BST1: variants seen among roughly 807,000 people sequenced by gnomAD.
BST1 encodes bone marrow stromal cell antigen 1.
In BST1, 49 loss-of-function variants were observed where a neutral mutation model predicts 40.6. The ratio of observed to expected loss-of-function variants is 1.21; its 90% CI spans 0.96 to 1.53. The LOEUF (loss-of-function observed/expected upper bound fraction) is 1.53. Among genes scored for constraint, BST1 ranks in the 40% most tolerant of loss-of-function variants. BST1 has a pLI of 0.00. For synonymous variants in BST1, 157 were observed against 159.3 expected (o/e 0.99, Z 0.11); for missense variants, 423 against 395.9 (o/e 1.07, Z -0.58).
At chr4:15,756,381 G>A in the BST1 span, among the ~76,000 whole-genome samples, 3 of 152,166 alleles carry the variant, frequency 2.0e-5, no homozygotes, top group South Asian at 2.1e-4. Flanking sequence ...ATTTTCAATC[G>A]TGGTTTGTGG....
chr4:15,720,720 G>T (rs1720763441), intron 7 of BST1, among the ~76,000 whole-genome samples: 1 of 152,084 alleles, frequency 6.6e-6, no homozygotes, highest in Non-Finnish European at 1.5e-5. Flanking sequence ...GAGCCCAGGA[G>T]TTCAAGGGAA....
In BST1 at chr4:15,731,904, A is replaced by G; in HGVS notation, c.*59A>G. The G allele has an allele frequency of 1.3e-6, 2 of 1,566,346 alleles. No individual in the cohort carries two copies. The highest frequency in any genetic ancestry group is 1.7e-6 in the Non-Finnish European group (2 of 1,155,250). On this transcript the variant is annotated 3_prime_UTR_variant, in exon 9 of 9. Coordinates refer to ENST00000265016, the MANE Select transcript of BST1 (RefSeq NM_004334.3). Reference sequence around the variant, plus strand: ...CCTGCAGCCTCCCCTTGCAGTCATCATTCGTGTTCTGTGTATACCAAATGA... The same window carrying G: ...CCTGCAGCCTCCCCTTGCAGTCATCGTTCGTGTTCTGTGTATACCAAATGA...
At chr4:15,757,332 T>A in the BST1 span, among the ~76,000 whole-genome samples, 10 of 152,172 alleles carry the variant, frequency 6.6e-5, no homozygotes, top group African/African-American at 2.2e-4. Context: ...TTCACAGCCA[T>A]GCCAAAGAAC....
chr4:15,773,524 G>A, the BST1 span, among the ~76,000 whole-genome samples: 1 of 152,164 alleles, frequency 6.6e-6, no homozygotes. Flanking sequence ...TTCAGTTTCT[G>A]TGGGACTTAG....
At chr4:15,767,469 A>T in the BST1 span, among the ~76,000 whole-genome samples, 1 of 151,934 alleles carries the variant, frequency 6.6e-6, no homozygotes, top group Non-Finnish European at 1.5e-5. Context: ...ACACCCAGCT[A>T]ATTTTTTGTA....
At chr4:15,731,115 G>A (rs1192007918) in intron 8 of BST1, 18 of 423,312 alleles carry the variant, frequency 4.3e-5, no homozygotes, top group East Asian at 2.8e-4. Context: ...TCCTTTTCAC[G>A]TGGCCAACAG....
In BST1 at chr4:15,703,118, C is replaced by A. The variant is rs1424526030; in HGVS notation, c.-27C>A. The A allele has an allele frequency of 6.4e-7, 1 of 1,555,226 alleles. No homozygotes were observed. ...GGAGAGAAGGGGAGTGGAGGAAGCA[C>A]GGGACTGGAGGGACCAAAGTTCCCC... On this transcript the variant is annotated 5_prime_UTR_variant, in exon 1 of 9. Transcript: ENST00000265016.
chr4:15,734,012 C>T (rs1008782786), downstream of BST1, among the ~76,000 whole-genome samples: 3 of 152,206 alleles, frequency 2.0e-5, no homozygotes, highest in African/African-American at 7.2e-5. Context: ...CCATGGAATA[C>T]TACTCAGCAA....
At chr4:15,707,703 C>T in intron 3 of BST1, 57 bp downstream of exon 3, 1 of 1,587,868 alleles carries the variant, frequency 6.3e-7, no homozygotes, top group Non-Finnish European at 8.6e-7. Context: ...CTATGCATTA[C>T]CATTTGTGCT....
Position 15,705,563 on chromosome 4 carries a change from C to G in BST1, c.237C>G (p.Asp79Glu). 6.2e-7 allele frequency: 1 copy of G among 1,609,764 alleles called. No homozygotes were observed. The highest frequency in any genetic ancestry group is 8.5e-7 in the Non-Finnish European group (1 of 1,178,230). The change falls in exon 2 of 9, where the codon GAC becomes GAG. Residue 79 changes from aspartate to glutamate, a missense_variant. Physicochemically the swap from Asp to Glu is conservative, Grantham distance 45. Transcript: ENST00000265016. Reference protein sequence around the residue: ...AIWEAFKVALDKDPCSVLPSD... With the variant: ...AIWEAFKVALEKDPCSVLPSD... ...GGGAAGCCTTTAAAGTGGCGCTGGA[C>G]AAGGATCCCTGCTCCGTGCTGCCCT... is the stretch of plus-strand genomic sequence containing the variant.
At chr4:15,744,579 A>G in the BST1 span, among the ~76,000 whole-genome samples, 12 of 152,324 alleles carry the variant, frequency 7.9e-5, no homozygotes, top group African/African-American at 2.6e-4. Context: ...GGGTGGAGAC[A>G]CAGACAAACC....
downstream of BST1, among the ~76,000 whole-genome samples, chr4:15,742,595 G>C (rs1022355458): frequency 3.9e-5 from 6 of 152,218 alleles, no homozygotes; most frequent in Non-Finnish European, 5.9e-5. Context: ...CAAAGACAAA[G>C]TTGTTGACTG....
At chr4:15,727,415 T>G (rs868803978) in intron 8 of BST1, among the ~76,000 whole-genome samples, 1 of 152,212 alleles carries the variant, frequency 6.6e-6, no homozygotes, top group Non-Finnish European at 1.5e-5. Flanking sequence ...TTCACCAACT[T>G]TCATCACCCT....
the BST1 span, among the ~76,000 whole-genome samples, chr4:15,744,234 A>C: frequency 2.6e-5 from 4 of 152,186 alleles, no homozygotes; most frequent in African/African-American, 9.6e-5. Flanking sequence ...GTCCATTGGC[A>C]CACTGCTATA....
downstream of BST1, among the ~76,000 whole-genome samples, chr4:15,733,729 ACT>A (rs1721468254): frequency 6.6e-6 from 1 of 152,132 alleles, no homozygotes; most frequent in African/African-American, 2.4e-5. Flanking sequence ...TCTCGTGAGA[ACT>A]CTGTCATGAG....
At chr4:15,753,632 A>G in the BST1 span, among the ~76,000 whole-genome samples, 16 of 152,328 alleles carry the variant, frequency 1.1e-4, no homozygotes, top group African/African-American at 3.4e-4. Flanking sequence ...CAGCCATGGC[A>G]CAGCTGGAGG....
chr4:15,704,856 C>A, intron 1 of BST1: 1 of 712,868 alleles, frequency 1.4e-6, no homozygotes, highest in East Asian at 2.6e-5. Context: ...CTTCTGTGGC[C>A]CCCCTTTTCT....
the BST1 span, among the ~76,000 whole-genome samples, chr4:15,765,840 T>C: frequency 6.6e-6 from 1 of 151,940 alleles, no homozygotes; most frequent in Non-Finnish European, 1.5e-5. Flanking sequence ...GTTTGTTTCT[T>C]AGCCCTCATC....
At chr4:15,718,299 G>C (rs1027399039) in intron 6 of BST1, among the ~76,000 whole-genome samples, 1 of 151,830 alleles carries the variant, frequency 6.6e-6, no homozygotes, top group African/African-American at 2.4e-5. Context: ...ACAGAGACAG[G>C]AGCTAAAGCA....
Sources: gnomAD v4.1 joint callset for allele counts (sites outside exome capture counted in the v4.1 genomes callset) on GRCh38, gnomAD v4.1.1 for gene constraint, MANE v1.5 for transcripts, NCBI Gene and HGNC (gene_info 2026-07-23, HGNC 2026-07-21) for gene names.